The following PKNOX2 variants were observed in gnomAD, a reference collection of about 807,000 sequenced individuals.
PKNOX2 encodes PBX/knotted 1 homeobox 2.
A neutral mutation model predicts 53.1 loss-of-function variants in PKNOX2; 14 were observed. The observed-to-expected ratio is 0.26, with a 90% CI of 0.17 to 0.41. The LOEUF (loss-of-function observed/expected upper bound fraction) is 0.41. PKNOX2 is among the 10% of genes least tolerant of loss of function. The probability of loss-of-function intolerance (pLI) is 1.00; values close to 1 mark genes in which losing one functional copy is unlikely to be tolerated. For synonymous variants in PKNOX2, 257 were observed against 242.8 expected, an observed-to-expected ratio of 1.06 and a Z score of -0.54; for missense variants, 496 against 602.8, an observed-to-expected ratio of 0.82 and a Z score of 1.85.
chr11:125,174,909 G>C (rs1365020558), intron 1 of PKNOX2, among the ~76,000 whole-genome samples: 2 of 152,114 alleles, frequency 1.3e-5, no homozygotes, highest in African/African-American at 4.8e-5. Flanking sequence ...TTCATAGTAG[G>C]GCAGCGGTCC....
intron 1 of PKNOX2, among the ~76,000 whole-genome samples, chr11:125,224,893 G>A (rs982308701): frequency 2.0e-5 from 3 of 152,240 alleles, no homozygotes; most frequent in African/African-American, 7.2e-5. Context: ...AGGGAATAAT[G>A]AATGGGAAGT....
chr11:125,378,558 G>T (rs928213727), intron 5 of PKNOX2, among the ~76,000 whole-genome samples: 4 of 152,172 alleles, frequency 2.6e-5, no homozygotes, highest in African/African-American at 9.7e-5. Flanking sequence ...GGTGAGAATG[G>T]CTGTAAGGAA....
intron 2 of PKNOX2, among the ~76,000 whole-genome samples, chr11:125,311,455 G>A (rs1948800515): frequency 1.3e-5 from 2 of 152,152 alleles, no homozygotes; most frequent in South Asian, 2.1e-4. Flanking sequence ...ATAGCCCTAG[G>A]TAGAAGGGAC....
At chr11:125,277,171 A>T (rs1296690313) in intron 2 of PKNOX2, among the ~76,000 whole-genome samples, 1 of 152,216 alleles carries the variant, frequency 6.6e-6, no homozygotes, top group African/African-American at 2.4e-5. Flanking sequence ...TGATTCAGTT[A>T]GTGGTGTGCC....
intron 7 of PKNOX2, among the ~76,000 whole-genome samples, chr11:125,400,156 C>T (rs989759821): frequency 2.0e-5 from 3 of 151,950 alleles, no homozygotes; most frequent in South Asian, 2.1e-4. Context: ...CAGACAATTG[C>T]GTGGTGGGTG....
chr11:125,252,928 G>A (rs1944116016), intron 2 of PKNOX2, among the ~76,000 whole-genome samples: 2 of 152,152 alleles, frequency 1.3e-5, no homozygotes, highest in Admixed American at 6.5e-5. Flanking sequence ...GTCACTGATT[G>A]GCTCCAACTT....
intron 7 of PKNOX2, among the ~76,000 whole-genome samples, chr11:125,403,720 G>A (rs1041772553): frequency 1.8e-4 from 27 of 152,190 alleles, no homozygotes; most frequent in Admixed American, 1.6e-3. Context: ...GGACCTGGGT[G>A]GAGAGTGATG....
At chr11:125,392,314 A>G (rs1346513720) in intron 6 of PKNOX2, among the ~76,000 whole-genome samples, 1 of 152,264 alleles carries the variant, frequency 6.6e-6, no homozygotes, top group Non-Finnish European at 1.5e-5. Context: ...CAATTAACAG[A>G]GAGCGGGCTC....
At chr11:125,178,064 T>C (rs1285477980) in intron 1 of PKNOX2, among the ~76,000 whole-genome samples, 1 of 152,182 alleles carries the variant, frequency 6.6e-6, no homozygotes, top group East Asian at 1.9e-4. Context: ...AAGCATAGAA[T>C]CTTCAAGTCA....
chr11:125,274,938 C>T (rs985101725), intron 2 of PKNOX2, among the ~76,000 whole-genome samples: 4 of 152,202 alleles, frequency 2.6e-5, no homozygotes, highest in African/African-American at 4.8e-5. Flanking sequence ...ATAAGTAAGA[C>T]AGCACATCTA....
intron 10 of PKNOX2, among the ~76,000 whole-genome samples, chr11:125,415,004 G>A (rs569027512): frequency 1.1e-4 from 16 of 152,150 alleles, no homozygotes; most frequent in African/African-American, 3.9e-4. Flanking sequence ...TAAGAGTAAC[G>A]GACAGTACTG....
chr11:125,372,732 C>T (rs1011799296), intron 5 of PKNOX2, among the ~76,000 whole-genome samples: 13 of 152,174 alleles, frequency 8.5e-5, no homozygotes, highest in African/African-American at 3.1e-4. Context: ...AGAAACCCTG[C>T]TTCAAACCAT....
At chr11:125,174,536 G>A (rs992410082) in intron 1 of PKNOX2, among the ~76,000 whole-genome samples, 13 of 152,094 alleles carry the variant, frequency 8.5e-5, no homozygotes, top group African/African-American at 3.1e-4. Context: ...CTGTACATGC[G>A]AGGTCCATCA....
chr11:125,398,123 A>T (rs1245478194), intron 7 of PKNOX2, 61 bp downstream of exon 7: 1 of 1,503,432 alleles, frequency 6.7e-7, no homozygotes, highest in Admixed American at 2.1e-5. Flanking sequence ...CTCTGGAGCC[A>T]CGCGTGGAGG....
rs557365235 is a variant in PKNOX2, at chr11:125,424,487, G to A, written c.937-4525G>A. 2.0e-5 allele frequency among the ~76,000 whole-genome samples: 3 copies of A among 152,250 alleles called. No homozygotes were observed. The South Asian group carries it at 6.2e-4, about 32-fold the overall frequency. On this transcript the variant is annotated intron_variant, in intron 10 of 12. Transcript: ENST00000298282. ...TTCCTCTGGGTCTCTGGCCCTCCTA[G>A]AGTGGAACCACCCCAGAGTGGTGGC...
At chr11:125,388,853 A>G (rs899189683) in intron 6 of PKNOX2, among the ~76,000 whole-genome samples, 1 of 152,196 alleles carries the variant, frequency 6.6e-6, no homozygotes, top group East Asian at 1.9e-4. Flanking sequence ...CTGCTCCCAC[A>G]GCACCCCTAC....
intron 2 of PKNOX2, among the ~76,000 whole-genome samples, chr11:125,295,477 C>T (rs1033671887): frequency 2.6e-5 from 4 of 152,184 alleles, no homozygotes; most frequent in Admixed American, 1.3e-4. Flanking sequence ...TGTGCCTGTG[C>T]GTATGCACCA....
intron 2 of PKNOX2, among the ~76,000 whole-genome samples, chr11:125,254,105 A>G (rs12274979): frequency 0.38 from 58,474 of 152,052 alleles, 12,361 homozygotes; most frequent in African/African-American, 0.55. Context: ...GATGCGAACC[A>G]CTTGTGCCAT....
At position 125,300,237 on chromosome 11, in the gene PKNOX2, C is replaced by A. The variant is rs552384814; in HGVS notation, c.-129-31582C>A. Among the ~76,000 whole-genome samples the A allele has an allele frequency of 3.7e-4, 56 of 152,346 alleles. No individual in the cohort carries two copies. In the South Asian group the frequency reaches 0.01, roughly 28 times the overall value. The stretch of plus-strand genomic sequence containing the variant: ...GGCTGCAGACTTCTCTTTTTCTACC[C>A]TCTTTATCTCTGTTTTGACCCCTCC... On this transcript the variant is annotated intron_variant, in intron 2 of 12. Transcript: ENST00000298282.
Sources: gnomAD v4.1 joint callset for allele counts (sites outside exome capture counted in the v4.1 genomes callset) on GRCh38, gnomAD v4.1.1 for gene constraint, MANE v1.5 for transcripts, NCBI Gene and HGNC (gene_info 2026-07-23, HGNC 2026-07-21) for gene names.